Variants in ESCO1 observed in about 807,000 individuals in gnomAD.
ESCO1 encodes N-acetyltransferase ESCO1.
ESCO1 carries 33 observed loss-of-function variants against 83.5 expected under a neutral mutation model. The observed-to-expected ratio is 0.40, with a 90% CI of 0.30 to 0.53. ESCO1 has a LOEUF of 0.53. ESCO1 is among the 20% of genes least tolerant of loss of function. The pLI, the probability that ESCO1 is intolerant of heterozygous loss-of-function variation, is 0.63. For synonymous variants in ESCO1, 332 were observed against 324.3 expected, an observed-to-expected ratio of 1.02 and a Z score of -0.25; for missense variants, 855 against 968.0, an observed-to-expected ratio of 0.88 and a Z score of 1.55.
At chr18:21,583,167 G>A (rs2038526619) in intron 2 of ESCO1, among the ~76,000 whole-genome samples, 1 of 152,040 alleles carries the variant, frequency 6.6e-6, no homozygotes, top group African/African-American at 2.4e-5. Context: ...GGGTGACAGA[G>A]CGAGACTCTG....
chr18:21,589,395 GGTT>G, intron 1 of ESCO1, among the ~76,000 whole-genome samples: 1 of 142,342 alleles, frequency 7.0e-6, no homozygotes, highest in South Asian at 2.3e-4. Flanking sequence ...TCATCTTGAT[GGTT>G]TTTTTTACTT....
In ESCO1 at chr18:21,579,759, G is replaced by C. The variant is rs556399165; in HGVS notation, c.-693-3982C>G. ...TCACTGTACTCCAGCCTGGGCAACA[G>C]AGCGAGATTCTGACACACACACACA... is the stretch of plus-strand genomic sequence containing the variant. On this transcript the variant is annotated intron_variant, in intron 2 of 11. Transcript: ENST00000269214. Among the ~76,000 whole-genome samples the C allele has an allele frequency of 2.7e-5, 4 of 148,326 alleles. No individual in the cohort carries two copies. In the South Asian group the frequency reaches 8.8e-4, roughly 33 times the overall value.
chr18:21,596,146 T>C (rs973500080), intron 1 of ESCO1, among the ~76,000 whole-genome samples: 4 of 151,734 alleles, frequency 2.6e-5, no homozygotes, highest in Non-Finnish European at 5.9e-5. Flanking sequence ...ACCAGCACTT[T>C]GGGAGGCCAA....
chr18:21,555,250 A>C (rs1276657729), intron 8 of ESCO1, among the ~76,000 whole-genome samples: 1 of 152,260 alleles, frequency 6.6e-6, no homozygotes, highest in Admixed American at 6.5e-5. Flanking sequence ...AGTGGTTGGC[A>C]GGGGTTAAGG....
In ESCO1 at chr18:21,573,548, T is replaced by C. The variant is rs1405681009; in HGVS notation, c.1296A>G (p.Pro432=). ...FSPPALEMHH[P]VTQSTFLGTK... The stretch of plus-strand genomic sequence containing the variant: ...TCCCTAAAAACGTACTTTGAGTCAC[T>C]GGATGATGCATTTCTAAAGCTGGTG... Residue 432 remains proline (P), a synonymous_variant, in exon 4 of 12, where the codon CCA becomes CCG. Coordinates refer to ENST00000269214, the MANE Select transcript of ESCO1 (RefSeq NM_052911.3). The C allele has an allele frequency of 6.2e-7, 1 of 1,614,128 alleles. No individual in the cohort carries two copies. The highest frequency in any genetic ancestry group is 2.2e-5 in the East Asian group (1 of 44,868).
chr18:21,586,244 C>CT (rs1568112472), intron 1 of ESCO1, among the ~76,000 whole-genome samples: 1 of 152,200 alleles, frequency 6.6e-6, no homozygotes, highest in Non-Finnish European at 1.5e-5. Context: ...ATGGGATCAA[C>CT]TTTTTTGTGG....
chr18:21,593,665 C>A (rs942369963), intron 1 of ESCO1, among the ~76,000 whole-genome samples: 6 of 149,204 alleles, frequency 4.0e-5, no homozygotes, highest in Non-Finnish European at 7.4e-5. Context: ...TAATTATTTA[C>A]CAATTCTTAA....
rs955314616 is a variant in ESCO1, at chr18:21,564,401, T to C, written c.1707-84A>G. 9.1e-6 allele frequency: 9 copies of C among 987,906 alleles called. No homozygotes were observed. In the Admixed American group the frequency reaches 1.1e-4, roughly 12 times the overall value. The allele number at this position is 987,906 out of a possible 1,614,324, so 61.2% of individuals were successfully genotyped here. On this transcript the variant is annotated intron_variant, in intron 6 of 11. Transcript: ENST00000269214. ...GGGGAAAAAATAACTTATTTTCTTT[T>C]TTTTTTTGAGACGAAGTCTCACTCT...
At chr18:21,536,326 A>T in intron 9 of ESCO1, 141 bp from the exon 10 acceptor site, 1 of 967,460 alleles carries the variant, frequency 1.0e-6, no homozygotes, top group Non-Finnish European at 1.5e-6. Context: ...GTGGTGGTTC[A>T]CACCTGTAAT....
At chr18:21,536,218 T>C (rs368120711) in intron 9 of ESCO1, 33 bp from the exon 10 acceptor site, 135 of 1,590,816 alleles carry the variant, frequency 8.5e-5, no homozygotes, top group Middle Eastern at 3.5e-4. Flanking sequence ...TATTTTTAAA[T>C]GAAAATATTA....
chr18:21,533,294 T>TG, intron 10 of ESCO1, among the ~76,000 whole-genome samples: 1 of 151,888 alleles, frequency 6.6e-6, no homozygotes, highest in African/African-American at 2.4e-5. Flanking sequence ...CACAATTGGT[T>TG]GTTTTTTTTG....
intron 8 of ESCO1, among the ~76,000 whole-genome samples, chr18:21,557,685 G>A (rs1233801788): frequency 1.3e-5 from 2 of 152,196 alleles, no homozygotes; most frequent in Non-Finnish European, 2.9e-5. Flanking sequence ...AAAGGATTGA[G>A]TTTTTCTCAG....
In ESCO1 at chr18:21,573,575, T is replaced by G. The variant is rs771944933; in HGVS notation, c.1269A>C (p.Ser423=). ...PKLGLLRTSF[S]PPALEMHHPV... Reference sequence around the variant, plus strand: ...GATGATGCATTTCTAAAGCTGGTGGTGAAAAACTGGTTCGTAATAAGCCTA... The same window carrying G: ...GATGATGCATTTCTAAAGCTGGTGGGGAAAAACTGGTTCGTAATAAGCCTA... Residue 423 remains serine (S), a synonymous_variant, in exon 4 of 12, where the codon TCA becomes TCC. Coordinates refer to ENST00000269214, the MANE Select transcript of ESCO1 (RefSeq NM_052911.3). 1 of 1,614,176 alleles carries G rather than the reference T, an allele frequency of 6.2e-7. No individual in the cohort carries two copies. Among genetic ancestry groups the G allele is most frequent in the Non-Finnish European group, 8.5e-7 (1 of 1,180,030 alleles).
Position 21,573,710 on chromosome 18 carries a change from T to C in ESCO1, c.1134A>G (p.Leu378=). 6.2e-7 allele frequency: 1 copy of C among 1,614,186 alleles called. No individual in the cohort carries two copies. The highest frequency in any genetic ancestry group is 8.5e-7 in the Non-Finnish European group (1 of 1,180,032). The change falls in exon 4 of 12, where the codon CTA becomes CTG. Residue 378 remains leucine, a synonymous_variant. Coordinates refer to ENST00000269214, the MANE Select transcript of ESCO1 (RefSeq NM_052911.3). Reference sequence around the variant, plus strand: ...TCTTGGCTGAGCTGTTTATTCCATTTAGTATACATTTCACAGGCTTTGTTT... The same window carrying C: ...TCTTGGCTGAGCTGTTTATTCCATTCAGTATACATTTCACAGGCTTTGTTT... ...SRKTKPVKCI[L]NGINSSAKKN...
At chr18:21,593,916 A>T (rs1460641516) in intron 1 of ESCO1, among the ~76,000 whole-genome samples, 1 of 152,106 alleles carries the variant, frequency 6.6e-6, no homozygotes, top group Non-Finnish European at 1.5e-5. Context: ...GTGACCCAAG[A>T]GGTGCCAATA....
In ESCO1 at chr18:21,568,044, A is replaced by T. The variant is rs752047361; in HGVS notation, c.1581T>A (p.Asn527Lys). ...ESKLENSPVE[N>K]VTAASTLLSQ... Reference sequence around the variant, plus strand: ...TGAGCAGAGTCGAAGCAGCAGTAACATTTTCCACTGGACTGTTTTCTAGCT... The same window carrying T: ...TGAGCAGAGTCGAAGCAGCAGTAACTTTTTCCACTGGACTGTTTTCTAGCT... Residue 527 changes from asparagine to lysine, a missense_variant, in exon 5 of 12, where the codon AAT (asparagine) becomes AAA (lysine). Coordinates refer to ENST00000269214, the MANE Select transcript of ESCO1 (RefSeq NM_052911.3). 1.2e-6 allele frequency: 2 copies of T among 1,613,826 alleles called. No homozygotes were observed. The highest frequency in any genetic ancestry group is 1.7e-6 in the Non-Finnish European group (2 of 1,179,980).
intron 11 of ESCO1, 46 bp from the exon 12 acceptor site, chr18:21,530,536 TAAAA>T: frequency 1.1e-6 from 1 of 936,822 alleles, no homozygotes; most frequent in Non-Finnish European, 1.4e-6. Flanking sequence ...TGTGAAATGT[TAAAA>T]AAAAAAAAAT....
rs143716450 is a variant in ESCO1 at position 21,573,343 on chromosome 18, T to C, written c.1501A>G (p.Lys501Glu). ...TTTGATGCTGAATCAAAAGAATGTT[T>C]CATCTGATTATCCAATGGTGGGTCA... is the stretch of plus-strand genomic sequence containing the variant. ...PSDPPLDNQM[K>E]HSFDSASNKN... Residue 501 changes from lysine (K) to glutamate (E), a missense_variant, in exon 4 of 12, where the codon AAA becomes GAA. Lys to Glu is a moderately conservative substitution (Grantham distance 56). Transcript: ENST00000269214. 1.6e-5 allele frequency: 25 copies of C among 1,581,404 alleles called. No homozygotes were observed. In the African/African-American group the frequency reaches 3.3e-4, roughly 21 times the overall value.
chr18:21,573,566 A>G lies in ESCO1; in HGVS notation c.1278T>C (p.Ala426=), dbSNP rs2038370794. 1 of 1,614,030 alleles carries G rather than the reference A, an allele frequency of 6.2e-7. No homozygotes were observed. The highest frequency in any genetic ancestry group is 1.1e-5 in the South Asian group (1 of 91,094). ...GLLRTSFSPP[A]LEMHHPVTQS... ...GAGTCACTGGATGATGCATTTCTAA[A>G]GCTGGTGGTGAAAAACTGGTTCGTA... Residue 426 remains alanine, a synonymous_variant, in exon 4 of 12, where the codon GCT becomes GCC. Transcript: ENST00000269214.
Sources: gnomAD v4.1 joint callset for allele counts (sites outside exome capture counted in the v4.1 genomes callset) on GRCh38, gnomAD v4.1.1 for gene constraint, MANE v1.5 for transcripts, NCBI Gene and HGNC (gene_info 2026-07-23, HGNC 2026-07-21) for gene names.